The following ABCC4 variants were observed in gnomAD, a reference collection of about 807,000 sequenced individuals.
ABCC4 encodes the protein ATP binding cassette subfamily C member 4 (PEL blood group).
Under a neutral mutation model 168.5 loss-of-function variants are expected in ABCC4, and 102 were observed. The ratio of observed to expected loss-of-function variants is 0.61; its 90% CI spans 0.52 to 0.71. The LOEUF (loss-of-function observed/expected upper bound fraction) is 0.71. Ranked by LOEUF, ABCC4 falls within the 30% of genes least tolerant of loss-of-function variation. ABCC4 has a pLI of 0.00. For synonymous variants in ABCC4, 617 were observed against 590.7 expected, an observed-to-expected ratio of 1.04 and a Z score of -0.65; for missense variants, 1,402 against 1,605.8, an observed-to-expected ratio of 0.87 and a Z score of 2.17.
chr13:95,145,394 A>T (rs547435989), intron 19 of ABCC4, among the ~76,000 whole-genome samples: 32 of 152,060 alleles, frequency 2.1e-4, no homozygotes, highest in African/African-American at 6.7e-4. Flanking sequence ...AGGCAGGCAG[A>T]TCACTTGAGC....
intron 26 of ABCC4, 82 bp downstream of exon 26, chr13:95,062,622 T>TA: frequency 7.7e-7 from 1 of 1,306,844 alleles, no homozygotes; most frequent in Non-Finnish European, 1.0e-6. Flanking sequence ...TTCATCCAAT[T>TA]AAAAAAAGCA....
chr13:95,151,383 G>C lies in ABCC4; in HGVS notation c.2455+9806C>G, dbSNP rs142703959. On this transcript the variant is annotated intron_variant, in intron 19 of 30. Transcript: ENST00000645237. ...CCAGCTACTCGGTAGGCTGAGGCAAGAGAATTGCTTGAGCCCAGAGGGCGG... is the reference window on the plus strand; with the variant it reads ...CCAGCTACTCGGTAGGCTGAGGCAACAGAATTGCTTGAGCCCAGAGGGCGG... Among the ~76,000 whole-genome samples, 56 of 151,372 alleles carry C rather than the reference G, an allele frequency of 3.7e-4. No homozygotes were observed. The East Asian group carries it at 9.0e-3, about 24-fold the overall frequency.
intron 13 of ABCC4, among the ~76,000 whole-genome samples, chr13:95,171,931 T>A (rs2037491090): frequency 6.6e-6 from 1 of 152,212 alleles, no homozygotes; most frequent in African/African-American, 2.4e-5. Context: ...CTAAAGCTTT[T>A]AATGAAACTG....
At chr13:95,264,698 T>A (rs1041526251) in intron 1 of ABCC4, among the ~76,000 whole-genome samples, 12 of 152,076 alleles carry the variant, frequency 7.9e-5, no homozygotes, top group African/African-American at 2.9e-4. Flanking sequence ...CTAAATACAT[T>A]ATAGGATCCT....
At chr13:95,039,399 A>AT in intron 29 of ABCC4, among the ~76,000 whole-genome samples, 1 of 152,214 alleles carries the variant, frequency 6.6e-6, no homozygotes, top group African/African-American at 2.4e-5. Flanking sequence ...GTGACTCTGA[A>AT]TTTTCTTTTT....
chr13:95,290,474 G>C (rs2041369525), intron 1 of ABCC4, among the ~76,000 whole-genome samples: 2 of 152,050 alleles, frequency 1.3e-5, no homozygotes, highest in African/African-American at 2.4e-5. Context: ...GGAGGCCAAG[G>C]TAGGTGGATC....
chr13:95,237,430 T>G (rs749563889), intron 3 of ABCC4, among the ~76,000 whole-genome samples: 12 of 152,184 alleles, frequency 7.9e-5, no homozygotes, highest in Non-Finnish European at 1.3e-4. Context: ...TTCTCCACCT[T>G]AGAGACCAAC....
intron 19 of ABCC4, among the ~76,000 whole-genome samples, chr13:95,125,187 TCAGAAAGGTGTG>T (rs1434465107): frequency 6.6e-6 from 1 of 152,182 alleles, no homozygotes; most frequent in Non-Finnish European, 1.5e-5. Flanking sequence ...TCCTGGAGGT[TCAGAAAGGTGTG>T]CTCATGTCAA....
intron 8 of ABCC4, 56 bp from the exon 9 acceptor site, chr13:95,194,993 C>T (rs1029866609): frequency 7.0e-7 from 1 of 1,423,512 alleles, no homozygotes; most frequent in Non-Finnish European, 9.8e-7. Flanking sequence ...AAAGCACAAA[C>T]AAAAGTCACT....
intron 4 of ABCC4, among the ~76,000 whole-genome samples, chr13:95,223,064 T>C (rs1423464383): frequency 6.6e-6 from 1 of 152,204 alleles, no homozygotes; most frequent in Non-Finnish European, 1.5e-5. Context: ...AAATGACACA[T>C]GTTTTGAATC....
chr13:95,160,385 C>T (rs2037054477), intron 19 of ABCC4, among the ~76,000 whole-genome samples: 1 of 152,072 alleles, frequency 6.6e-6, no homozygotes, highest in Admixed American at 6.6e-5. Flanking sequence ...AGGGTGGGGA[C>T]TTATAGGCAC....
At chr13:95,300,725 G>A (rs1247184218) in intron 1 of ABCC4, among the ~76,000 whole-genome samples, 1 of 152,188 alleles carries the variant, frequency 6.6e-6, no homozygotes, top group Non-Finnish European at 1.5e-5. Context: ...ATAGGTCCAG[G>A]ACACTAATTA....
In ABCC4 at chr13:95,269,759, T is replaced by A. The variant is rs537900558; in HGVS notation, c.75-22006A>T. 2.0e-5 allele frequency among the ~76,000 whole-genome samples: 3 copies of A among 152,326 alleles called. No individual in the cohort carries two copies. The South Asian group carries it at 6.2e-4, about 32-fold the overall frequency. The stretch of plus-strand genomic sequence containing the variant: ...AATGGATAATTTAACAGTGTATATA[T>A]AATCGTATACTGACCATTTCCTACA... On this transcript the variant is annotated intron_variant, in intron 1 of 30. Transcript: ENST00000645237.
At chr13:95,246,370 G>A (rs576197133) in intron 3 of ABCC4, among the ~76,000 whole-genome samples, 2 of 152,284 alleles carry the variant, frequency 1.3e-5, no homozygotes, top group African/African-American at 4.8e-5. Flanking sequence ...CCACTGGGAG[G>A]GGGTAGCTCT....
chr13:95,193,298 G>C (rs2038315751), intron 9 of ABCC4, among the ~76,000 whole-genome samples: 1 of 152,202 alleles, frequency 6.6e-6, no homozygotes, highest in Admixed American at 6.5e-5. Context: ...CACCCGGAGA[G>C]GGGAGGAGCT....
chr13:95,178,045 C>T lies in ABCC4; in HGVS notation c.1592G>A (p.Arg531Gln), dbSNP rs142211148. The change falls in exon 12 of 31, where the codon CGG (arginine) becomes CAG (glutamine). Residue 531 changes from arginine to glutamine, a missense_variant. By Grantham distance (43) the Arg-to-Gln change is conservative. This residue lies in a region of ABCC4 where 1,007 missense variants were observed against 1,127.3 expected (regional missense o/e 0.89). Transcript: ENST00000645237. ...EDGDLTVIGD[R>Q]GTTLSGGQKA... The stretch of plus-strand genomic sequence containing the variant: ...CTGCCCTCCACTCAGCGTGGTTCCC[C>T]GATCTCCTATCACAGTCAGATCACC... The T allele has an allele frequency of 6.3e-4, 1,018 of 1,614,172 alleles. 1 individual carries two copies. The highest frequency in any genetic ancestry group is 1.0e-3 in the African/African-American group (75 of 75,042).
At chr13:95,180,506 C>T (rs1445148390) in intron 11 of ABCC4, among the ~76,000 whole-genome samples, 2 of 151,818 alleles carry the variant, frequency 1.3e-5, no homozygotes, top group Admixed American at 6.6e-5. Flanking sequence ...TGAGCGAGAT[C>T]GCACCATTGC....
At chr13:95,112,645 A>G (rs2035244653) in intron 20 of ABCC4, among the ~76,000 whole-genome samples, 1 of 152,198 alleles carries the variant, frequency 6.6e-6, no homozygotes, top group Non-Finnish European at 1.5e-5. Flanking sequence ...AGTCAGCTAG[A>G]TAACACCAAG....
chr13:95,208,988 C>T (rs9524827), intron 6 of ABCC4, among the ~76,000 whole-genome samples: 99,156 of 152,082 alleles, frequency 0.65, 32,440 homozygotes, highest in African/African-American at 0.69. Context: ...TTAAAATTCA[C>T]CTTGCCTTTG....
Sources: gnomAD v4.1 joint callset for allele counts (sites outside exome capture counted in the v4.1 genomes callset) on GRCh38, gnomAD v4.1.1 for gene constraint, gnomAD v4.1.1 regional missense constraint, MANE v1.5 for transcripts, NCBI Gene and HGNC (gene_info 2026-07-23, HGNC 2026-07-21) for gene names.